The following KDM4C variants were observed in gnomAD, a reference collection of about 807,000 sequenced individuals.
The protein encoded by KDM4C is lysine demethylase 4C.
KDM4C carries 81 observed loss-of-function variants against 129.3 expected under a neutral mutation model. The ratio of observed to expected loss-of-function variants is 0.63; its 90% CI spans 0.52 to 0.75. The LOEUF is 0.75. KDM4C is among the 30% of genes least tolerant of loss of function. The pLI, the probability that KDM4C is intolerant of heterozygous loss-of-function variation, is 0.00. For missense variants in KDM4C, 1,457 were observed against 1,304.0 expected (o/e 1.12, Z -1.81); for synonymous variants, 573 against 456.1 (o/e 1.26, Z -3.26).
intron 2 of KDM4C, among the ~76,000 whole-genome samples, chr9:6,801,232 T>G (rs1051168712): frequency 2.1e-5 from 3 of 144,026 alleles, no homozygotes; most frequent in Admixed American, 7.3e-5. Context: ...TGTCCTTGAG[T>G]AGGGAAATTT....
At chr9:7,004,248 GT>G (rs1399558129) in intron 12 of KDM4C, among the ~76,000 whole-genome samples, 5 of 152,288 alleles carry the variant, frequency 3.3e-5, no homozygotes, top group Non-Finnish European at 7.4e-5. Flanking sequence ...CAAAGATACT[GT>G]CCTGAGTGAG....
At chr9:6,992,607 G>A (rs1333687297) in intron 12 of KDM4C, among the ~76,000 whole-genome samples, 1 of 152,154 alleles carries the variant, frequency 6.6e-6, no homozygotes, top group African/African-American at 2.4e-5. Flanking sequence ...GAACTTGAAT[G>A]TTACCTTAGC....
At chr9:7,003,528 T>C (rs1821114361) in intron 12 of KDM4C, among the ~76,000 whole-genome samples, 1 of 152,084 alleles carries the variant, frequency 6.6e-6, no homozygotes, top group Non-Finnish European at 1.5e-5. Flanking sequence ...TGTATCCTTC[T>C]GAAATACTTT....
chr9:6,796,670 G>A (rs760684015), intron 2 of KDM4C, among the ~76,000 whole-genome samples: 16 of 152,172 alleles, frequency 1.1e-4, no homozygotes, highest in African/African-American at 3.4e-4. Flanking sequence ...AGTCCAGACC[G>A]TGCCTCATTT....
chr9:6,893,210 A>G lies in KDM4C; in HGVS notation c.899A>G (p.Asp300Gly). Reference protein sequence around the residue: ...STNFATVRWIDYGKVAKLCTC... With the variant: ...STNFATVRWIGYGKVAKLCTC... ...AATTTTGCTACTGTCAGATGGATTG[A>G]CTATGGAAAAGTTGCCAAATTGGTA... The change falls in exon 8 of 22, where the codon GAC becomes GGC. Residue 300 changes from aspartate to glycine, a missense_variant. Transcript: ENST00000381309. The G allele has an allele frequency of 3.1e-6, 5 of 1,610,272 alleles. No individual in the cohort carries two copies. The highest frequency in any genetic ancestry group is 4.2e-6 in the Non-Finnish European group (5 of 1,178,456).
chr9:6,837,284 C>T (rs947979184), intron 4 of KDM4C, among the ~76,000 whole-genome samples: 4 of 152,166 alleles, frequency 2.6e-5, no homozygotes, highest in African/African-American at 9.7e-5. Flanking sequence ...TCCCAAACTC[C>T]TGGACTCAAG....
intron 1 of KDM4C, among the ~76,000 whole-genome samples, chr9:6,764,390 C>G (rs1055219028): frequency 6.6e-6 from 1 of 152,132 alleles, no homozygotes; most frequent in Non-Finnish European, 1.5e-5. Context: ...TTTCATAGTA[C>G]AAAGATTTCC....
At chr9:6,759,026 G>C (rs1000765635) in intron 1 of KDM4C, among the ~76,000 whole-genome samples, 1 of 152,168 alleles carries the variant, frequency 6.6e-6, no homozygotes, top group Non-Finnish European at 1.5e-5. Flanking sequence ...GCCTGCGCTG[G>C]CTGGCTCTGA....
intron 9 of KDM4C, 149 bp from the exon 10 acceptor site, chr9:6,984,017 C>T: frequency 6.4e-6 from 3 of 467,042 alleles, no homozygotes; most frequent in Non-Finnish European, 1.2e-5. Context: ...CAAATTTAAT[C>T]ATTCAGTTGT....
intron 8 of KDM4C, among the ~76,000 whole-genome samples, chr9:6,931,101 C>T (rs527920670): frequency 6.6e-5 from 10 of 152,156 alleles, no homozygotes; most frequent in African/African-American, 2.4e-4. Context: ...TCCATAGGCA[C>T]TTGGAACCCT....
chr9:6,811,385 C>G (rs1236771983), intron 3 of KDM4C, among the ~76,000 whole-genome samples: 1 of 152,116 alleles, frequency 6.6e-6, no homozygotes, highest in East Asian at 1.9e-4. Flanking sequence ...TAACTCCTGA[C>G]CTCTGATCCG....
Position 6,738,768 on chromosome 9 carries a change from A to T in KDM4C, c.49+17771A>T, listed in dbSNP as rs569726479. 1.3e-3 allele frequency among the ~76,000 whole-genome samples: 178 copies of T among 139,852 alleles called. 1 individual carries two copies. The highest frequency in any genetic ancestry group is 3.1e-3 in the African/African-American group (112 of 36,366). The allele number at this position is 139,852 out of a possible 152,430, so 91.7% of individuals were successfully genotyped here. A position where few individuals can be genotyped will look rare whatever the true frequency, so the allele number is the denominator to read the frequency against. On this transcript the variant is annotated intron_variant, in intron 1 of 17. Coordinates refer to the KDM4C transcript ENST00000536108. ...CTAATTTTTCTTTTCTTTTCTTTTC[A>T]TTTTTTTTTTTTGAGAGACAGGGTT...
chr9:7,070,745 A>G (rs1235632635), intron 17 of KDM4C, among the ~76,000 whole-genome samples: 1 of 152,220 alleles, frequency 6.6e-6, no homozygotes, highest in Non-Finnish European at 1.5e-5. Flanking sequence ...ACCTACTGCG[A>G]ACATTAGACA....
At chr9:6,750,451 A>T (rs1407895251) in intron 1 of KDM4C, among the ~76,000 whole-genome samples, 1 of 151,896 alleles carries the variant, frequency 6.6e-6, no homozygotes, top group East Asian at 1.9e-4. Flanking sequence ...AAAAAAAAAA[A>T]AAGCTCTTCA....
At chr9:6,881,283 G>C (rs1274768210) in intron 6 of KDM4C, among the ~76,000 whole-genome samples, 1 of 152,134 alleles carries the variant, frequency 6.6e-6, no homozygotes, top group African/African-American at 2.4e-5. Flanking sequence ...TTATAATTTT[G>C]TCAGGCTAAT....
At chr9:7,151,279 C>T (rs754824671) in intron 19 of KDM4C, among the ~76,000 whole-genome samples, 1 of 150,574 alleles carries the variant, frequency 6.6e-6, no homozygotes, top group Non-Finnish European at 1.5e-5. Flanking sequence ...GGACATTGGC[C>T]AAGTGTGACT....
At chr9:6,908,261 T>C (rs976838050) in intron 8 of KDM4C, among the ~76,000 whole-genome samples, 2 of 152,258 alleles carry the variant, frequency 1.3e-5, no homozygotes, top group African/African-American at 4.8e-5. Flanking sequence ...GTTGAAGTGC[T>C]GTCTTTTGTG....
At chr9:7,019,776 A>T (rs1302447604) in intron 15 of KDM4C, among the ~76,000 whole-genome samples, 1 of 144,866 alleles carries the variant, frequency 6.9e-6, no homozygotes, top group Non-Finnish European at 1.5e-5. Flanking sequence ...TAATATTTTT[A>T]TATATAAAAA....
chr9:7,060,893 A>C (rs986754861), intron 17 of KDM4C, among the ~76,000 whole-genome samples: 4 of 152,094 alleles, frequency 2.6e-5, no homozygotes, highest in Admixed American at 2.6e-4. Context: ...TGCAGGTTAT[A>C]ATGTGAAAGA....
Sources: gnomAD v4.1 joint callset for allele counts (sites outside exome capture counted in the v4.1 genomes callset) on GRCh38, gnomAD v4.1.1 for gene constraint, MANE v1.5 for transcripts, NCBI Gene and HGNC (gene_info 2026-07-23, HGNC 2026-07-21) for gene names.